Variants in CRTC3 observed in about 807,000 individuals in gnomAD.
CRTC3 encodes the protein CREB-regulated transcription coactivator 3.
A neutral mutation model predicts 74.5 loss-of-function variants in CRTC3; 26 were observed. The observed-to-expected ratio is 0.35, with a 90% confidence interval of 0.26 to 0.48. CRTC3 has a LOEUF of 0.48. Among genes scored for constraint, CRTC3 ranks in the 20% least tolerant of loss-of-function variants. CRTC3 has a pLI of 0.99. For synonymous variants in CRTC3, 377 were observed against 325.8 expected (o/e 1.16, Z -1.69); for missense variants, 760 against 787.3 (o/e 0.97, Z 0.41).
At chr15:90,574,296 G>A (rs536163242) in intron 2 of CRTC3, among the ~76,000 whole-genome samples, 18 of 152,188 alleles carry the variant, frequency 1.2e-4, no homozygotes, top group African/African-American at 4.1e-4. Flanking sequence ...GGTCAACATG[G>A]TGAAACCCTG....
chr15:90,619,881 C>A (rs141617216), intron 9 of CRTC3, 91 bp downstream of exon 9: 2 of 1,079,058 alleles, frequency 1.9e-6, no homozygotes, highest in African/African-American at 3.2e-5. Context: ...CTCTCAGAAA[C>A]GTAACTTGCT....
rs561546602 is a variant in CRTC3, at chr15:90,644,554, C to T, written c.*2414C>T. 33 of 232,700 alleles carry T rather than the reference C, an allele frequency of 1.4e-4. No homozygotes were observed. Among genetic ancestry groups the T allele is most frequent in the Admixed American group, 3.9e-4 (7 of 17,762 alleles). 14.4% of individuals were successfully genotyped at this position (232,700 alleles called of 1,614,324 possible). On this transcript the variant is annotated 3_prime_UTR_variant, in exon 15 of 15. Coordinates refer to ENST00000268184, the MANE Select transcript of CRTC3 (RefSeq NM_022769.5). The stretch of plus-strand genomic sequence containing the variant: ...CAGGTGACTTGTGAAAACAGACCTC[C>T]GGGGAAGTGATTTATTGGGGGTGTA...
chr15:90,610,733 AC>A (rs1396983793), intron 6 of CRTC3, among the ~76,000 whole-genome samples: 1 of 152,074 alleles, frequency 6.6e-6, no homozygotes, highest in East Asian at 1.9e-4. Flanking sequence ...GAAGCACAGG[AC>A]TCTGTGGGAC....
intron 6 of CRTC3, chr15:90,614,015 A>G (rs929860340): frequency 6.4e-6 from 1 of 155,448 alleles, no homozygotes; most frequent in Non-Finnish European, 1.4e-5. Context: ...ATCCTACAGC[A>G]TGAAACTTCG....
intron 9 of CRTC3, among the ~76,000 whole-genome samples, chr15:90,623,934 C>T (rs1294684520): frequency 6.6e-6 from 1 of 152,192 alleles, no homozygotes; most frequent in Admixed American, 6.5e-5. Context: ...AAATCTTTTT[C>T]CTGACTAGAT....
intron 10 of CRTC3, 69 bp from the exon 11 acceptor site, chr15:90,629,165 C>CT: frequency 6.8e-7 from 1 of 1,464,250 alleles, no homozygotes; most frequent in Non-Finnish European, 9.3e-7. Context: ...AGACAGTTTT[C>CT]TTTCATTTTT....
chr15:90,540,264 G>T (rs1313643300), intron 2 of CRTC3, 127 bp downstream of exon 2: 5 of 634,438 alleles, frequency 7.9e-6, no homozygotes, highest in Non-Finnish European at 1.1e-5. Flanking sequence ...CTTTTGGAAA[G>T]TCCATTAATA....
chr15:90,554,648 A>G (rs932407062), intron 2 of CRTC3, among the ~76,000 whole-genome samples: 1 of 152,218 alleles, frequency 6.6e-6, no homozygotes, highest in African/African-American at 2.4e-5. Context: ...CTGCTTACCT[A>G]TTTAAGTCCA....
In CRTC3 at chr15:90,643,255, C is replaced by T. The variant is rs1969514933; in HGVS notation, c.*1115C>T. On this transcript the variant is annotated 3_prime_UTR_variant, in exon 15 of 15. Transcript: ENST00000268184. ...CGTCCGCCATGCCGTAAGGCAGGCTCACCTGTAGCTATCCCCTTCCCTGCC... is the reference window on the plus strand; with the variant it reads ...CGTCCGCCATGCCGTAAGGCAGGCTTACCTGTAGCTATCCCCTTCCCTGCC... 4.3e-6 allele frequency: 1 copy of T among 232,550 alleles called. No individual in the cohort carries two copies. Among genetic ancestry groups the T allele is most frequent in the South Asian group, 1.8e-4 (1 of 5,516 alleles). The allele number at this position is 232,550 out of a possible 1,614,324, so 14.4% of individuals were successfully genotyped here.
At chr15:90,603,829 C>T (rs116978385) in intron 4 of CRTC3, among the ~76,000 whole-genome samples, 43 of 152,276 alleles carry the variant, frequency 2.8e-4, no homozygotes, top group Non-Finnish European at 5.9e-4. Context: ...CAGTGGGTCC[C>T]CACCTCAGGT....
intron 11 of CRTC3, among the ~76,000 whole-genome samples, chr15:90,637,544 A>G (rs1969284598): frequency 7.1e-6 from 1 of 141,798 alleles, no homozygotes; most frequent in Admixed American, 6.9e-5. Context: ...CCTAGAACTT[A>G]AAAAAATAAA....
chr15:90,587,294 C>G (rs983567946), intron 2 of CRTC3, among the ~76,000 whole-genome samples: 7 of 152,194 alleles, frequency 4.6e-5, no homozygotes, highest in African/African-American at 1.7e-4. Flanking sequence ...ATGGTACTGT[C>G]TGCCGTTAGC....
At chr15:90,586,774 T>C (rs988141216) in intron 2 of CRTC3, among the ~76,000 whole-genome samples, 1 of 152,362 alleles carries the variant, frequency 6.6e-6, no homozygotes, top group Admixed American at 6.5e-5. Context: ...AATAACTGTA[T>C]AAAAATACAA....
intron 11 of CRTC3, 126 bp from the exon 12 acceptor site, chr15:90,638,320 C>A (rs1969312634): frequency 1.4e-6 from 1 of 732,516 alleles, no homozygotes; most frequent in Non-Finnish European, 2.3e-6. Flanking sequence ...CTTCTCACAG[C>A]ATTGCACAGA....
chr15:90,628,578 C>G (rs1159672442), intron 10 of CRTC3, among the ~76,000 whole-genome samples: 1 of 152,210 alleles, frequency 6.6e-6, no homozygotes, highest in Non-Finnish European at 1.5e-5. Flanking sequence ...TCCCAAATTT[C>G]CTTGCTCATG....
intron 11 of CRTC3, among the ~76,000 whole-genome samples, chr15:90,637,538 G>A (rs575378378): frequency 1.3e-5 from 2 of 151,722 alleles, no homozygotes; most frequent in South Asian, 4.2e-4. Context: ...ATGTACCCTA[G>A]AACTTAAAAA....
intron 2 of CRTC3, among the ~76,000 whole-genome samples, chr15:90,588,599 C>T (rs1382719750): frequency 2.6e-5 from 2 of 78,250 alleles, no homozygotes; most frequent in African/African-American, 7.4e-5. Context: ...TCACATGGGC[C>T]AGTCAACTTT....
At chr15:90,540,723 A>T (rs565182320) in intron 2 of CRTC3, among the ~76,000 whole-genome samples, 1 of 152,348 alleles carries the variant, frequency 6.6e-6, no homozygotes, top group Admixed American at 6.5e-5. Flanking sequence ...CAGTGAGCAG[A>T]GATCATACCA....
At chr15:90,592,434 A>G (rs1967822431) in intron 2 of CRTC3, among the ~76,000 whole-genome samples, 1 of 152,188 alleles carries the variant, frequency 6.6e-6, no homozygotes, top group African/African-American at 2.4e-5. Flanking sequence ...AAGCACATCT[A>G]TTGCACAATG....
Sources: allele counts gnomAD v4.1 joint callset (sites outside exome capture counted in the v4.1 genomes callset), GRCh38; gene constraint gnomAD v4.1.1; transcripts MANE v1.5; gene names NCBI Gene and HGNC (gene_info 2026-07-23, HGNC 2026-07-21).